THSD7B: variants seen among roughly 807,000 people sequenced by gnomAD.
THSD7B encodes thrombospondin type 1 domain containing 7B.
A neutral mutation model predicts 213.6 loss-of-function variants in THSD7B; 138 were observed. That is an observed-to-expected ratio of 0.65 (90% CI 0.56 to 0.74). The LOEUF (loss-of-function observed/expected upper bound fraction) is 0.74. Among genes scored for constraint, THSD7B ranks in the 30% least tolerant of loss-of-function variants. The probability of loss-of-function intolerance (pLI) is 0.00; values close to 1 mark genes in which losing one functional copy is unlikely to be tolerated. For synonymous variants in THSD7B, 742 were observed against 687.0 expected (o/e 1.08, Z -1.25); for missense variants, 1,931 against 1,991.5 (o/e 0.97, Z 0.58).
intron 5 of THSD7B, among the ~76,000 whole-genome samples, chr2:137,128,660 G>C (rs959997369): frequency 1.3e-5 from 2 of 152,180 alleles, no homozygotes; most frequent in South Asian, 4.1e-4. Context: ...TGCAGGCCTA[G>C]GGCCCGTGCC....
intron 5 of THSD7B, among the ~76,000 whole-genome samples, chr2:137,152,422 T>C (rs967951131): frequency 6.6e-6 from 1 of 152,234 alleles, no homozygotes; most frequent in African/African-American, 2.4e-5. Flanking sequence ...AAAATCATTG[T>C]ATAGTGTAGT....
At chr2:137,025,468 T>C (rs1410774678) in intron 2 of THSD7B, among the ~76,000 whole-genome samples, 3 of 152,168 alleles carry the variant, frequency 2.0e-5, no homozygotes, top group South Asian at 2.1e-4. Context: ...TGGATGTCGA[T>C]TATTTAGGGT....
intron 1 of THSD7B, among the ~76,000 whole-genome samples, chr2:136,852,051 A>G (rs1185978894): frequency 1.3e-5 from 2 of 152,080 alleles, no homozygotes; most frequent in African/African-American, 2.4e-5. Flanking sequence ...TTAAGATTAT[A>G]TAAGGTCCTT....
In THSD7B at chr2:137,451,040, A is replaced by G. The variant is rs369072587; in HGVS notation, c.3138+17A>G. ...AAGAATCAGGTAAAGTGCATGAAGCAACAAATAAAAAGCTAAAAAAGCTAT... is the reference window on the plus strand; with the variant it reads ...AAGAATCAGGTAAAGTGCATGAAGCGACAAATAAAAAGCTAAAAAAGCTAT... On this transcript the variant is annotated intron_variant, in intron 15 of 27. Coordinates refer to ENST00000409968, the MANE Select transcript of THSD7B (RefSeq NM_001316349.2). 3 of 1,535,128 alleles carry G rather than the reference A, an allele frequency of 2.0e-6. No homozygotes were observed. The East Asian group carries it at 7.1e-5, about 36-fold the overall frequency.
chr2:137,415,267 T>A (rs1686766782), intron 14 of THSD7B, among the ~76,000 whole-genome samples: 1 of 152,114 alleles, frequency 6.6e-6, no homozygotes, highest in Non-Finnish European at 1.5e-5. Context: ...TCAAGCATAA[T>A]GTGTTCTATA....
At chr2:137,361,750 C>T (rs1685267596) in intron 12 of THSD7B, among the ~76,000 whole-genome samples, 5 of 152,116 alleles carry the variant, frequency 3.3e-5, no homozygotes, top group Admixed American at 6.6e-5. Context: ...ACCAAATCTA[C>T]GTTTGATTGG....
At chr2:137,461,143 T>G (rs1687876278) in intron 15 of THSD7B, among the ~76,000 whole-genome samples, 2 of 152,106 alleles carry the variant, frequency 1.3e-5, no homozygotes. Flanking sequence ...ATTTCCAGTC[T>G]GGGGCTATTA....
chr2:137,382,431 G>A (rs1685798229), intron 12 of THSD7B, among the ~76,000 whole-genome samples: 1 of 152,216 alleles, frequency 6.6e-6, no homozygotes. Flanking sequence ...GACAACAGAT[G>A]GTTTTGGTTG....
chr2:137,107,936 C>T (rs987813945), intron 4 of THSD7B, among the ~76,000 whole-genome samples: 2 of 152,158 alleles, frequency 1.3e-5, no homozygotes, highest in Non-Finnish European at 2.9e-5. Context: ...TTATTTTAGT[C>T]ATCTGTTCAG....
intron 1 of THSD7B, among the ~76,000 whole-genome samples, chr2:136,873,860 C>T (rs893433994): frequency 6.6e-6 from 1 of 152,114 alleles, no homozygotes; most frequent in Non-Finnish European, 1.5e-5. Flanking sequence ...GCTCCAAGGT[C>T]GTGCACTGCC....
chr2:137,661,481 A>G (rs1027925282), intron 25 of THSD7B, among the ~76,000 whole-genome samples: 19 of 151,670 alleles, frequency 1.3e-4, no homozygotes, highest in African/African-American at 4.6e-4. Context: ...AAGTAAGCCT[A>G]CAAGCAGAGA....
At chr2:137,460,375 T>C (rs754930154) in intron 15 of THSD7B, among the ~76,000 whole-genome samples, 2 of 152,180 alleles carry the variant, frequency 1.3e-5, no homozygotes, top group Non-Finnish European at 2.9e-5. Flanking sequence ...ATGTTAAGTA[T>C]GAACATTTTT....
chr2:137,639,773 A>G (rs1682903747), intron 20 of THSD7B, among the ~76,000 whole-genome samples: 1 of 152,118 alleles, frequency 6.6e-6, no homozygotes. Flanking sequence ...TGACTGCCCC[A>G]CTGGATTTCG....
intron 17 of THSD7B, among the ~76,000 whole-genome samples, chr2:137,610,383 T>TA (rs976308944): frequency 5.9e-5 from 9 of 151,908 alleles, no homozygotes; most frequent in Non-Finnish European, 7.4e-5. Flanking sequence ...ATGGCTAGGG[T>TA]AAAAAAAGCC....
intron 1 of THSD7B, among the ~76,000 whole-genome samples, chr2:136,767,710 T>C (rs1681431655): frequency 6.6e-6 from 1 of 152,172 alleles, no homozygotes; most frequent in South Asian, 2.1e-4. Flanking sequence ...CCTGAACACC[T>C]ACAAACCATT....
chr2:137,059,890 A>G (rs562801421), intron 3 of THSD7B, among the ~76,000 whole-genome samples: 1 of 152,136 alleles, frequency 6.6e-6, no homozygotes, highest in Non-Finnish European at 1.5e-5. Flanking sequence ...GGTTAATATC[A>G]AGTAGTGCAA....
intron 14 of THSD7B, among the ~76,000 whole-genome samples, chr2:137,422,087 T>C (rs561244195): frequency 1.1e-4 from 17 of 152,344 alleles, no homozygotes; most frequent in Admixed American, 7.8e-4. Context: ...AATTTGAAAC[T>C]TTGCTCAACG....
At chr2:137,375,356 A>C (rs1164593561) in intron 12 of THSD7B, among the ~76,000 whole-genome samples, 1 of 152,194 alleles carries the variant, frequency 6.6e-6, no homozygotes, top group Non-Finnish European at 1.5e-5. Flanking sequence ...TCAGCTTCAC[A>C]TAAGCACAAC....
intron 15 of THSD7B, among the ~76,000 whole-genome samples, chr2:137,461,167 G>T (rs1418742259): frequency 6.6e-6 from 1 of 151,894 alleles, no homozygotes; most frequent in African/African-American, 2.4e-5. Flanking sequence ...ATAACACTAT[G>T]ACCATTCTTG....
Sources: allele counts gnomAD v4.1 joint callset (sites outside exome capture counted in the v4.1 genomes callset), GRCh38; gene constraint gnomAD v4.1.1; transcripts MANE v1.5; gene names NCBI Gene and HGNC (gene_info 2026-07-23, HGNC 2026-07-21).